KLHL4: variants seen among roughly 807,000 people sequenced by gnomAD.
KLHL4 encodes the protein kelch like family member 4, also known as kelch-like protein 4.
A neutral mutation model predicts 45.8 loss-of-function variants in KLHL4; 17 were observed. The observed-to-expected ratio is 0.37, with a 90% CI of 0.25 to 0.56. KLHL4 has a LOEUF of 0.56. Ranked by LOEUF, KLHL4 falls within the 20% of genes least tolerant of loss-of-function variation. KLHL4 has a pLI of 0.79. For synonymous variants in KLHL4, 224 were observed against 189.9 expected (o/e 1.18, Z -1.47); for missense variants, 544 against 544.9 (o/e 1.00, Z 0.02).
At chrX:87,559,749 T>C (rs1468787437) in intron 1 of KLHL4, among the ~76,000 whole-genome samples, 1 of 109,514 alleles carries the variant, frequency 9.1e-6, no homozygotes, top group African/African-American at 3.3e-5. Flanking sequence ...TGCTTTTAAG[T>C]TGCTTACACT....
At chrX:87,556,526 G>C (rs1420390234) in intron 1 of KLHL4, among the ~76,000 whole-genome samples, 5 of 108,252 alleles carry the variant, frequency 4.6e-5, no homozygotes, top group Middle Eastern at 9.3e-3. Flanking sequence ...GACTGTTGTG[G>C]GGTGGGGGAA....
intron 1 of KLHL4, among the ~76,000 whole-genome samples, chrX:87,524,640 C>A (rs773691104): frequency 9.0e-6 from 1 of 110,546 alleles, no homozygotes; most frequent in Non-Finnish European, 1.9e-5. Flanking sequence ...TCAAGAAGAG[C>A]CAAAGGAGAC....
intron 1 of KLHL4, among the ~76,000 whole-genome samples, chrX:87,528,546 C>T (rs1931162525): frequency 9.3e-6 from 1 of 107,898 alleles, no homozygotes; most frequent in South Asian, 4.1e-4. Flanking sequence ...GAAACTCCGT[C>T]TCTACTAAAA....
At chrX:87,551,710 G>A (rs1275572114) in intron 1 of KLHL4, among the ~76,000 whole-genome samples, 4 of 111,490 alleles carry the variant, frequency 3.6e-5, no homozygotes, top group Non-Finnish European at 7.6e-5. Context: ...TAGACACATA[G>A]ACCAATGGAA....
At chrX:87,560,533 G>A (rs886788845) in intron 1 of KLHL4, among the ~76,000 whole-genome samples, 2 of 111,388 alleles carry the variant, frequency 1.8e-5, no homozygotes, top group African/African-American at 6.5e-5. Flanking sequence ...CTTTAGGCAC[G>A]ATGTTGTATA....
intron 1 of KLHL4, among the ~76,000 whole-genome samples, chrX:87,541,490 C>CAAAAAAA (rs1491259195): frequency 1.6e-5 from 1 of 63,920 alleles, no homozygotes. Flanking sequence ...GACTCCATCT[C>CAAAAAAA]ACAAAAAAAA....
At chrX:87,640,972 G>A (rs181691943) in intron 9 of KLHL4, among the ~76,000 whole-genome samples, 2 of 111,947 alleles carry the variant, frequency 1.8e-5, no homozygotes, top group African/African-American at 6.5e-5. Context: ...TCCTAGAACT[G>A]GTAAATGAAT....
In KLHL4 at chrX:87,521,273, T is replaced by C. The variant is rs1402525461; in HGVS notation, c.422+2958T>C. On this transcript the variant is annotated intron_variant, in intron 1 of 10. Transcript: ENST00000373119. ...TTCCAAGTTTCAAGTGAGGTTTGCCTAGAAAAAATGAGCAGATGTTATTGT... is the reference window on the plus strand; with the variant it reads ...TTCCAAGTTTCAAGTGAGGTTTGCCCAGAAAAAATGAGCAGATGTTATTGT... Among the ~76,000 whole-genome samples the C allele has an allele frequency of 3.6e-5, 4 of 111,879 alleles. No homozygotes were observed. In the South Asian group the frequency reaches 1.5e-3, roughly 41 times the overall value.
intron 1 of KLHL4, among the ~76,000 whole-genome samples, chrX:87,569,314 A>C (rs1932283844): frequency 1.8e-5 from 2 of 111,502 alleles, no homozygotes; most frequent in Admixed American, 9.5e-5. Context: ...CAAAGAGGAA[A>C]ATAACAAGTA....
intron 9 of KLHL4, among the ~76,000 whole-genome samples, chrX:87,639,091 A>G (rs1923364169): frequency 1.8e-5 from 2 of 111,858 alleles, no homozygotes; most frequent in Admixed American, 9.5e-5. Flanking sequence ...AACAGTTAAA[A>G]AAGACAAAGA....
intron 1 of KLHL4, among the ~76,000 whole-genome samples, chrX:87,609,678 T>C (rs1175329134): frequency 9.0e-6 from 1 of 111,165 alleles, no homozygotes; most frequent in African/African-American, 3.3e-5. Context: ...GTCAGATGAG[T>C]AGATTGCAAA....
chrX:87,648,368 C>A (rs2147834602), intron 9 of KLHL4, among the ~76,000 whole-genome samples: 1 of 111,171 alleles, frequency 9.0e-6, no homozygotes, highest in East Asian at 2.8e-4. Flanking sequence ...CAATCAAAAC[C>A]ATTGAAGCAA....
chrX:87,667,625 A>T lies in KLHL4; in HGVS notation c.*1091A>T, dbSNP rs978991334. The T allele has an allele frequency of 2.5e-5, 15 of 592,426 alleles. No homozygotes were observed. The highest frequency in any genetic ancestry group is 2.6e-5 in the Non-Finnish European group (13 of 493,681). 48.8% of individuals were successfully genotyped at this position (592,426 alleles called of 1,213,427 possible). On this transcript the variant is annotated 3_prime_UTR_variant, in exon 11 of 11. Coordinates refer to ENST00000373119, the MANE Select transcript of KLHL4 (RefSeq NM_019117.5). ...AAAAAGACTTGTTAAGTTTTAAAAT[A>T]ACAAAAATGGCTAGTTGAATAGTAT...
In KLHL4 at chrX:87,668,167, T is replaced by C; in HGVS notation, c.*1633T>C. ...CACACATACAGCCCTGTTAGGTCTTTTGAATTCACACCTTATTGAAATCAG... is the reference window on the plus strand; with the variant it reads ...CACACATACAGCCCTGTTAGGTCTTCTGAATTCACACCTTATTGAAATCAG... On this transcript the variant is annotated 3_prime_UTR_variant, in exon 11 of 11. Transcript: ENST00000373119. 1 of 749,706 alleles carries C rather than the reference T, an allele frequency of 1.3e-6. No individual in the cohort carries two copies. The highest frequency in any genetic ancestry group is 1.6e-6 in the Non-Finnish European group (1 of 635,043). 61.8% of individuals were successfully genotyped at this position (749,706 alleles called of 1,213,427 possible).
At chrX:87,554,812 G>A (rs746941383) in intron 1 of KLHL4, among the ~76,000 whole-genome samples, 1,020 of 98,859 alleles carry the variant, frequency 0.01, 28 homozygotes, top group African/African-American at 0.036. Context: ...CAAATGGAAT[G>A]CTTCCAGTTT....
intron 9 of KLHL4, among the ~76,000 whole-genome samples, chrX:87,646,610 T>C (rs1602462578): frequency 9.0e-6 from 1 of 111,713 alleles, no homozygotes; most frequent in East Asian, 2.8e-4. Flanking sequence ...AGTCAACTGA[T>C]CTTTGACAAA....
intron 1 of KLHL4, among the ~76,000 whole-genome samples, chrX:87,524,842 T>C (rs1309998816): frequency 2.7e-5 from 3 of 111,947 alleles, no homozygotes; most frequent in Non-Finnish European, 5.6e-5. Context: ...TATTCTATGA[T>C]TAAACTATCA....
chrX:87,612,787 T>A (rs1922425600), intron 1 of KLHL4, among the ~76,000 whole-genome samples: 1 of 111,240 alleles, frequency 9.0e-6, no homozygotes, highest in South Asian at 3.8e-4. Flanking sequence ...AATTCGACAT[T>A]GAATGTTTGA....
At position 87,669,711 on chromosome X, in the gene KLHL4, C is replaced by A. The variant is rs942468608; in HGVS notation, c.*3177C>A. 28 of 171,981 alleles carry A rather than the reference C, an allele frequency of 1.6e-4. No homozygotes were observed. The highest frequency in any genetic ancestry group is 6.2e-5 in the African/African-American group (2 of 32,482). The allele number at this position is 171,981 out of a possible 1,213,427, so 14.2% of individuals were successfully genotyped here. A position where few individuals can be genotyped will look rare whatever the true frequency, so the allele number is the denominator to read the frequency against. ...AGAAGAGATTTTTCAGTTGCTATTT[C>A]TCTTCGTAATGAATTTTCTTTACAT... On this transcript the variant is annotated 3_prime_UTR_variant, in exon 11 of 11. Transcript: ENST00000373119.
Sources: allele counts gnomAD v4.1 joint callset (sites outside exome capture counted in the v4.1 genomes callset), GRCh38; gene constraint gnomAD v4.1.1; transcripts MANE v1.5; gene names NCBI Gene and HGNC (gene_info 2026-07-23, HGNC 2026-07-21).